Variants in CAPN13 observed in about 807,000 individuals in gnomAD.
CAPN13 encodes the protein calpain 13, also known as calpain-13.
In CAPN13, 90 loss-of-function variants were observed where a neutral mutation model predicts 98.4. That is an observed-to-expected ratio of 0.92 (90% confidence interval 0.77 to 1.09). The LOEUF (loss-of-function observed/expected upper bound fraction) is 1.09. CAPN13 is among the 50% of genes least tolerant of loss of function. CAPN13 has a pLI of 0.00. For synonymous variants in CAPN13, 330 were observed against 305.5 expected, an observed-to-expected ratio of 1.08 and a Z score of -0.84; for missense variants, 887 against 841.3, an observed-to-expected ratio of 1.05 and a Z score of -0.67.
At position 30,764,264 on chromosome 2, in the gene CAPN13, C is replaced by T; in HGVS notation, c.567G>A (p.Glu189=). 1.2e-6 allele frequency: 2 copies of T among 1,613,806 alleles called. No homozygotes were observed. Among genetic ancestry groups the T allele is most frequent in the East Asian group, 2.2e-5 (1 of 44,870 alleles). ...SYSDLHYGFL[E]DALVDLTGGV... ...CTCCTGTGAGGTCCACCAGGGCATC[C>T]TCGAGGAAGCCATAGTGCAGATCGG... Residue 189 remains glutamate, a synonymous_variant, in exon 6 of 23, where the codon GAG becomes GAA. Coordinates refer to ENST00000295055, the MANE Select transcript of CAPN13 (RefSeq NM_144575.3).
chr2:30,762,100 A>G (rs1420625938), intron 7 of CAPN13, among the ~76,000 whole-genome samples: 1 of 152,234 alleles, frequency 6.6e-6, no homozygotes, highest in African/African-American at 2.4e-5. Context: ...AAGTGCTGTC[A>G]CCGCAAGTGT....
Position 30,776,030 on chromosome 2 carries a change from A to T in CAPN13, c.287T>A (p.Leu96Gln). The T allele has an allele frequency of 2.5e-6, 4 of 1,611,214 alleles. No individual in the cohort carries two copies. Among genetic ancestry groups the T allele is most frequent in the Non-Finnish European group, 2.5e-6 (3 of 1,178,394 alleles). Residue 96 changes from leucine to glutamine, a missense_variant, in exon 4 of 23, where the codon CTG (leucine) becomes CAG (glutamine). Leu to Gln is a moderately radical substitution (Grantham distance 113). Transcript: ENST00000295055. Reference sequence around the variant, plus strand: ...CTGAGTCAAGGATCCCAGTGCTGCCAGGAACCAGCAGTCAGCTGTGAGGGG... The same window carrying T: ...CTGAGTCAAGGATCCCAGTGCTGCCTGGAACCAGCAGTCAGCTGTGAGGGG... ...QQGGAADCWF[L>Q]AALGSLTQNP...
intron 1 of CAPN13, among the ~76,000 whole-genome samples, chr2:30,791,755 G>A (rs1428002286): frequency 6.6e-6 from 1 of 152,164 alleles, no homozygotes; most frequent in Non-Finnish European, 1.5e-5. Context: ...TGTCAAATGG[G>A]AACATGATAC....
intron 8 of CAPN13, among the ~76,000 whole-genome samples, chr2:30,755,017 T>C (rs537471381): frequency 1.1e-4 from 17 of 152,030 alleles, no homozygotes; most frequent in Non-Finnish European, 2.4e-4. Context: ...AAAGAGAACT[T>C]TGTCCTCTGC....
At chr2:30,730,527 T>C (rs1415187379) in intron 22 of CAPN13, among the ~76,000 whole-genome samples, 2 of 152,198 alleles carry the variant, frequency 1.3e-5, no homozygotes, top group South Asian at 2.1e-4. Context: ...TAAAGGTCCA[T>C]TGGTCTACAT....
chr2:30,787,073 G>A (rs1674322375), intron 2 of CAPN13, 55 bp downstream of exon 2: 5 of 1,401,630 alleles, frequency 3.6e-6, no homozygotes, highest in Non-Finnish European at 3.8e-6. Context: ...GAGGTGCCAT[G>A]GCAGGCGACT....
At chr2:30,754,587 C>T (rs944384883) in intron 8 of CAPN13, among the ~76,000 whole-genome samples, 17 of 152,164 alleles carry the variant, frequency 1.1e-4, no homozygotes, top group Non-Finnish European at 1.9e-4. Flanking sequence ...TGGATTTATG[C>T]TGTAGTTCAC....
At chr2:30,747,844 GC>G (rs1387546805) in intron 11 of CAPN13, among the ~76,000 whole-genome samples, 1 of 152,242 alleles carries the variant, frequency 6.6e-6, no homozygotes, top group Non-Finnish European at 1.5e-5. Context: ...TCAGGATCTT[GC>G]AAGATCTGCT....
chr2:30,735,412 TAGC>T (rs1409716170), intron 18 of CAPN13, among the ~76,000 whole-genome samples: 4 of 152,206 alleles, frequency 2.6e-5, no homozygotes, highest in Non-Finnish European at 4.4e-5. Flanking sequence ...TGTTGCAAAA[TAGC>T]AGCTGGACAG....
chr2:30,768,754 G>T (rs1673237072), intron 5 of CAPN13, among the ~76,000 whole-genome samples: 1 of 148,456 alleles, frequency 6.7e-6, no homozygotes, highest in Non-Finnish European at 1.5e-5. Flanking sequence ...AGCATTTCAG[G>T]ATGTGGAATG....
At chr2:30,764,097 T>C (rs1451180675) in intron 6 of CAPN13, 35 bp downstream of exon 6, 2 of 1,542,882 alleles carry the variant, frequency 1.3e-6, no homozygotes, top group African/African-American at 2.7e-5. Context: ...TGAGGAAAGC[T>C]TGAACTGGTG....
chr2:30,733,597 G>A (rs1429633777), intron 19 of CAPN13, among the ~76,000 whole-genome samples: 2 of 152,002 alleles, frequency 1.3e-5, no homozygotes, highest in Non-Finnish European at 2.9e-5. Flanking sequence ...CCCCTGATCA[G>A]AGGTGCAGCA....
At chr2:30,730,626 C>T (rs1671035393) in intron 22 of CAPN13, 104 bp downstream of exon 22, 3 of 672,506 alleles carry the variant, frequency 4.5e-6, no homozygotes, top group Non-Finnish European at 8.2e-6. Context: ...GTCTGTCATC[C>T]CTGGGGAGGC....
intron 7 of CAPN13, 26 bp downstream of exon 7, chr2:30,763,056 C>G (rs1572838242): frequency 1.3e-6 from 2 of 1,585,622 alleles, no homozygotes; most frequent in Non-Finnish European, 1.7e-6. Flanking sequence ...CAGGGGAGAG[C>G]TGGACAGGCC....
At chr2:30,787,423 G>T (rs778289187) in intron 1 of CAPN13, 66 bp from the exon 2 acceptor site, 2 of 1,245,502 alleles carry the variant, frequency 1.6e-6, no homozygotes, top group South Asian at 1.6e-5. Context: ...TCAAATGTGA[G>T]CCCCAGATGG....
rs376232176 is a variant in CAPN13 at position 30,738,258 on chromosome 2, G to A, written c.1630C>T (p.Arg544Cys). The change falls in exon 17 of 23, where the codon CGC becomes TGC. Residue 544 changes from arginine (R) to cysteine (C), a missense_variant. By Grantham distance (180) the Arg-to-Cys change is radical. Coordinates refer to ENST00000295055, the MANE Select transcript of CAPN13 (RefSeq NM_144575.3). ...ACTTCCATCAGAGCCACCAAGCTGC[G>A]GCACTCATCTAAGGAGAACATGTCC... ...PGDMFSLDECRSLVALMELKV... is the reference protein window; with the variant it reads ...PGDMFSLDECCSLVALMELKV... 78 of 1,613,966 alleles carry A rather than the reference G, an allele frequency of 4.8e-5. No homozygotes were observed. Among genetic ancestry groups the A allele is most frequent in the Non-Finnish European group, 5.9e-5 (70 of 1,179,884 alleles).
intron 1 of CAPN13, among the ~76,000 whole-genome samples, chr2:30,794,604 AAC>A (rs949255501): frequency 1.1e-4 from 16 of 151,936 alleles, no homozygotes; most frequent in African/African-American, 3.9e-4. Context: ...GCATAATCAA[AAC>A]AGACATATTT....
At chr2:30,772,402 G>T (rs943102603) in intron 4 of CAPN13, among the ~76,000 whole-genome samples, 2 of 152,218 alleles carry the variant, frequency 1.3e-5, no homozygotes, top group Non-Finnish European at 2.9e-5. Context: ...AATCTACAGA[G>T]CTTAGTGCAC....
chr2:30,764,062 G>T, intron 6 of CAPN13, 70 bp downstream of exon 6: 7 of 1,445,572 alleles, frequency 4.8e-6, no homozygotes, highest in Non-Finnish European at 9.4e-7. Context: ...TTAGCTGAAT[G>T]GACCCCTGGC....
Sources: gnomAD v4.1 joint callset for allele counts (sites outside exome capture counted in the v4.1 genomes callset) on GRCh38, gnomAD v4.1.1 for gene constraint, MANE v1.5 for transcripts, NCBI Gene and HGNC (gene_info 2026-07-23, HGNC 2026-07-21) for gene names.